Variants in FBXW11 observed in about 807,000 individuals in gnomAD.
FBXW11 encodes F-box/WD repeat-containing protein 11.
FBXW11 carries 19 observed loss-of-function variants against 77.6 expected under a neutral mutation model. The observed-to-expected ratio is 0.24, with a 90% CI of 0.17 to 0.36. FBXW11 has a LOEUF of 0.36. FBXW11 is among the 10% of genes least tolerant of loss of function. The pLI, the probability that FBXW11 is intolerant of heterozygous loss-of-function variation, is 1.00. For missense variants in FBXW11, 334 were observed against 704.2 expected, an observed-to-expected ratio of 0.47 and a Z score of 5.95; for synonymous variants, 235 against 249.4, an observed-to-expected ratio of 0.94 and a Z score of 0.54.
chr5:171,882,656 A>G (rs1171834232), intron 7 of FBXW11, among the ~76,000 whole-genome samples: 1 of 151,672 alleles, frequency 6.6e-6, no homozygotes, highest in Non-Finnish European at 1.5e-5. Context: ...TCCATGTGCT[A>G]TTTAGAATTA....
intron 2 of FBXW11, among the ~76,000 whole-genome samples, chr5:171,957,222 A>T (rs1476866796): frequency 6.6e-6 from 1 of 152,244 alleles, no homozygotes; most frequent in African/African-American, 2.4e-5. Context: ...AATAGAAAAA[A>T]ATCACCACTT....
chr5:171,901,104 T>C (rs892329855), intron 4 of FBXW11, among the ~76,000 whole-genome samples: 1 of 152,222 alleles, frequency 6.6e-6, no homozygotes, highest in Non-Finnish European at 1.5e-5. Flanking sequence ...AAACAAACAC[T>C]GAAACATCCC....
rs185847162 is a variant in FBXW11, at chr5:171,904,822, G to C, written c.437-4722C>G. Among the ~76,000 whole-genome samples, 1 of 151,860 alleles carries C rather than the reference G, an allele frequency of 6.6e-6. No individual in the cohort carries two copies. Among genetic ancestry groups the C allele is most frequent in the South Asian group, 2.1e-4 (1 of 4,800 alleles). On this transcript the variant is annotated intron_variant, in intron 4 of 13. Transcript: ENST00000517395. The surrounding 1 kb of genome is among the most constrained non-coding windows in gnomAD (Gnocchi z 4.0). ...CTTGACCTCATGATCCACCCAACTC[G>C]GCCTCCCAAAGTGCTGGGATTACAG...
At chr5:171,885,770 C>T (rs1758837107) in intron 7 of FBXW11, among the ~76,000 whole-genome samples, 1 of 152,182 alleles carries the variant, frequency 6.6e-6, no homozygotes. Flanking sequence ...TTTGTAGTGA[C>T]TCTACAGTTT....
At chr5:171,882,505 A>C (rs1407628407) in intron 7 of FBXW11, among the ~76,000 whole-genome samples, 1 of 151,876 alleles carries the variant, frequency 6.6e-6, no homozygotes, top group Non-Finnish European at 1.5e-5. Context: ...GGGTCTCCCT[A>C]TGTTTCCCAG....
At chr5:171,941,842 A>T (rs1487457307) in intron 2 of FBXW11, among the ~76,000 whole-genome samples, 3 of 151,126 alleles carry the variant, frequency 2.0e-5, no homozygotes, top group African/African-American at 7.3e-5. Context: ...GTTGGGAAAG[A>T]CGCATGAACC....
chr5:171,861,863 A>G lies in FBXW11; in HGVS notation c.*2264T>C, dbSNP rs911498593. ...TTAGACTATCCCAGTGCTTTAAAACATTAATATAGCAGTAATTTACATTTG... is the reference window on the plus strand; with the variant it reads ...TTAGACTATCCCAGTGCTTTAAAACGTTAATATAGCAGTAATTTACATTTG... On this transcript the variant is annotated 3_prime_UTR_variant, in exon 14 of 14. Coordinates refer to ENST00000517395, the MANE Select transcript of FBXW11 (RefSeq NM_001378974.1). 3 of 152,680 alleles carry G rather than the reference A, an allele frequency of 2.0e-5. No homozygotes were observed. The highest frequency in any genetic ancestry group is 7.2e-5 in the African/African-American group (3 of 41,460). The allele number at this position is 152,680 out of a possible 1,614,324, so 9.5% of individuals were successfully genotyped here. A position where few individuals can be genotyped will look rare whatever the true frequency, so the allele number is the denominator to read the frequency against.
intron 1 of FBXW11, among the ~76,000 whole-genome samples, chr5:172,004,862 C>G (rs1164639741): frequency 9.2e-6 from 1 of 108,694 alleles, no homozygotes; most frequent in Admixed American, 1.1e-4. Flanking sequence ...AAAACAACCC[C>G]ACGTGCACAC....
chr5:171,965,303 T>C (rs1444025685), intron 1 of FBXW11, among the ~76,000 whole-genome samples: 1 of 152,154 alleles, frequency 6.6e-6, no homozygotes, highest in African/African-American at 2.4e-5. Context: ...AGGCAGGAGA[T>C]TACTTGATGT....
intron 4 of FBXW11, among the ~76,000 whole-genome samples, chr5:171,901,973 C>A (rs1180700286): frequency 6.6e-6 from 1 of 152,150 alleles, no homozygotes; most frequent in Non-Finnish European, 1.5e-5. Context: ...CGGGTCAGAA[C>A]CAAGGACAGC....
rs551807456 is a variant in FBXW11 at position 171,988,352 on chromosome 5, A to C, written c.45+18106T>G. On this transcript the variant is annotated intron_variant, in intron 1 of 13. Transcript: ENST00000517395. ...AAGGGAAAACAAACAAACAAACAAA[A>C]AAAACAGTGATGGGGTCATGTCAAA... Among the ~76,000 whole-genome samples, 8 of 152,282 alleles carry C rather than the reference A, an allele frequency of 5.3e-5. No individual in the cohort carries two copies. The South Asian group carries it at 6.2e-4, about 12-fold the overall frequency.
At chr5:172,003,308 T>C (rs1766528559) in intron 1 of FBXW11, 1 of 152,150 alleles carries the variant, frequency 6.6e-6, no homozygotes, top group African/African-American at 2.4e-5. Flanking sequence ...TAGTGATGAG[T>C]GCCTGAAAAT....
At chr5:171,917,573 A>G (rs576959107) in intron 2 of FBXW11, among the ~76,000 whole-genome samples, 1 of 152,324 alleles carries the variant, frequency 6.6e-6, no homozygotes, top group Non-Finnish European at 1.5e-5. Context: ...CCCATCCTAC[A>G]TACTTTTCCA....
chr5:172,003,438 GA>G (rs1167487538), intron 1 of FBXW11: 1 of 152,146 alleles, frequency 6.6e-6, no homozygotes, highest in African/African-American at 2.4e-5. Flanking sequence ...TTTCCAAAAT[GA>G]ATTACTAGTT....
chr5:171,937,153 A>C (rs541904533), intron 2 of FBXW11, among the ~76,000 whole-genome samples: 66 of 152,338 alleles, frequency 4.3e-4, no homozygotes, highest in South Asian at 2.7e-3. Context: ...TAAGTTTAAC[A>C]TTTCCCCAAT....
rs547999783 is a variant in FBXW11, at chr5:171,868,621, G to A, written c.*14C>T. Reference sequence around the variant, plus strand: ...AGGATAGTACTCACCTGAAACGGGTGAAAGTGCAGACTGTTATCTAGAGAT... The same window carrying A: ...AGGATAGTACTCACCTGAAACGGGTAAAAGTGCAGACTGTTATCTAGAGAT... On this transcript the variant is annotated 3_prime_UTR_variant, in exon 13 of 14. Coordinates refer to ENST00000517395, the MANE Select transcript of FBXW11 (RefSeq NM_001378974.1). 8 of 1,609,268 alleles carry A rather than the reference G, an allele frequency of 5.0e-6. No individual in the cohort carries two copies. The South Asian group carries it at 6.6e-5, about 13-fold the overall frequency.
rs944938632 is a variant in FBXW11 at position 171,904,202 on chromosome 5, C to T, written c.437-4102G>A. ...CAGCTACTTGGCAGGATGAGGCGCG[C>T]GAGAACCACTTGAACCTAGGAGGTG... On this transcript the variant is annotated intron_variant, in intron 4 of 13. Coordinates refer to ENST00000517395, the MANE Select transcript of FBXW11 (RefSeq NM_001378974.1). The surrounding 1 kb of genome is among the most constrained non-coding windows in gnomAD (Gnocchi z 4.0). Among the ~76,000 whole-genome samples the T allele has an allele frequency of 7.0e-6, 1 of 142,518 alleles. No homozygotes were observed. Among genetic ancestry groups the T allele is most frequent in the East Asian group, 2.1e-4 (1 of 4,850 alleles). The allele number at this position is 142,518 out of a possible 152,430, so 93.5% of individuals were successfully genotyped here.
chr5:171,937,034 A>G (rs1762516858), intron 2 of FBXW11, among the ~76,000 whole-genome samples: 1 of 152,232 alleles, frequency 6.6e-6, no homozygotes, highest in African/African-American at 2.4e-5. Flanking sequence ...CACTGACCTG[A>G]TACATTTTTC....
rs753560782 is a variant in FBXW11 at position 171,910,783 on chromosome 5, T to C, written c.225A>G (p.Thr75=). The change falls in exon 4 of 14, where the codon ACA becomes ACG. Residue 75 remains threonine (T), a synonymous_variant. Transcript: ENST00000517395. The part of the protein sequence containing the change: ...KNTLWQISNG[T]SSVIVSRKRP... The stretch of plus-strand genomic sequence containing the variant: ...TCTTTCTGGAGACGATCACAGATGA[T>C]GTTCCATTACTTATCTATTTTAGAA... 3 of 1,599,480 alleles carry C rather than the reference T, an allele frequency of 1.9e-6. No homozygotes were observed. The highest frequency in any genetic ancestry group is 3.5e-5 in the Admixed American group (2 of 57,156).
Sources: allele counts gnomAD v4.1 joint callset (sites outside exome capture counted in the v4.1 genomes callset), GRCh38; gene constraint gnomAD v4.1.1; non-coding constraint Gnocchi (gnomAD v3.1); transcripts MANE v1.5; gene names NCBI Gene and HGNC (gene_info 2026-07-23, HGNC 2026-07-21).